Variants in FOXN3 observed in about 807,000 individuals in gnomAD.
FOXN3 encodes forkhead box protein N3.
In FOXN3, 7 loss-of-function variants were observed where a neutral mutation model predicts 38.4. That is an observed-to-expected ratio of 0.18 (90% CI 0.10 to 0.34). The LOEUF (loss-of-function observed/expected upper bound fraction) is 0.34. Ranked by LOEUF, FOXN3 falls within the 10% of genes least tolerant of loss-of-function variation. FOXN3 has a pLI of 1.00. For synonymous variants in FOXN3, 230 were observed against 242.2 expected (o/e 0.95, Z 0.47); for missense variants, 456 against 613.4 (o/e 0.74, Z 2.71).
At chr14:89,487,548 A>G (rs1893474799) in intron 1 of FOXN3, among the ~76,000 whole-genome samples, 1 of 152,234 alleles carries the variant, frequency 6.6e-6, no homozygotes, top group South Asian at 2.1e-4. Flanking sequence ...TAATTCTGAT[A>G]TACCTTAGAT....
intron 1 of FOXN3, among the ~76,000 whole-genome samples, chr14:89,613,056 G>C (rs1896423558): frequency 7.1e-6 from 1 of 139,930 alleles, no homozygotes; most frequent in South Asian, 2.3e-4. Context: ...GGCGGAGGTT[G>C]CAGTCAGCCG....
intron 1 of FOXN3, among the ~76,000 whole-genome samples, chr14:89,570,028 TCTCA>T (rs1895459055): frequency 6.9e-6 from 1 of 144,928 alleles, no homozygotes; most frequent in African/African-American, 2.6e-5. Context: ...TGAGACGGAG[TCTCA>T]CTCTGTCGCT....
intron 3 of FOXN3, among the ~76,000 whole-genome samples, chr14:89,333,974 A>G (rs1470061598): frequency 0.045 from 76 of 1,678 alleles, 1 homozygote; most frequent in Admixed American, 0.087. Context: ...GTGTATATAT[A>G]TATATATATA....
intron 1 of FOXN3, among the ~76,000 whole-genome samples, chr14:89,483,867 C>T (rs999910467): frequency 6.6e-6 from 1 of 152,190 alleles, no homozygotes; most frequent in South Asian, 2.1e-4. Flanking sequence ...ATAGCTTACT[C>T]ATGGTAAGCC....
intron 1 of FOXN3, among the ~76,000 whole-genome samples, chr14:89,440,262 T>G (rs1045387366): frequency 6.6e-6 from 1 of 152,178 alleles, no homozygotes; most frequent in Non-Finnish European, 1.5e-5. Flanking sequence ...GGTGCTTTCC[T>G]GGCCTCTGGC....
In FOXN3 at chr14:89,412,153, C is replaced by T. The variant is rs1425404129; in HGVS notation, c.324G>A (p.Arg108=). The change falls in exon 2 of 6, where the codon AGG becomes AGA. Residue 108 remains arginine, a synonymous_variant. Coordinates refer to ENST00000557258, the MANE Select transcript of FOXN3 (RefSeq NM_005197.4). This position sits in a 1 kb window ranked among gnomAD's most constrained non-coding sequence, Gnocchi z 4.7. ...PAHSDMPYDA[R]QNPNCKPPYS... is the part of the protein sequence containing the mutation. ...AGGGGGGTTTGCAGTTGGGGTTCTG[C>T]CTGGCATCGTAGGGCATGTCAGAGT... 6.2e-7 allele frequency: 1 copy of T among 1,610,876 alleles called. No homozygotes were observed. Among genetic ancestry groups the T allele is most frequent in the Admixed American group, 1.7e-5 (1 of 59,830 alleles).
chr14:89,570,103 C>A (rs1360630842), intron 1 of FOXN3, among the ~76,000 whole-genome samples: 1 of 151,682 alleles, frequency 6.6e-6, no homozygotes, highest in African/African-American at 2.4e-5. Context: ...CAGGTTCAAG[C>A]GATTCTCCTG....
chr14:89,316,565 T>C (rs1887724440), intron 3 of FOXN3, among the ~76,000 whole-genome samples: 1 of 151,400 alleles, frequency 6.6e-6, no homozygotes, highest in Non-Finnish European at 1.5e-5. Context: ...CTCATTATGT[T>C]GCCCAGACTG....
At chr14:89,396,832 C>CA (rs11307508) in intron 2 of FOXN3, among the ~76,000 whole-genome samples, 3,446 of 96,634 alleles carry the variant, frequency 0.036, 124 homozygotes, top group African/African-American at 0.1. Context: ...AACTCCATCT[C>CA]AAAAAAAAAA....
chr14:89,291,949 C>A (rs950874893), intron 3 of FOXN3, among the ~76,000 whole-genome samples: 2 of 152,156 alleles, frequency 1.3e-5, no homozygotes, highest in Non-Finnish European at 2.9e-5. Context: ...CCAGTTATTG[C>A]TGTGTGTCCA....
chr14:89,586,450 G>A (rs1255722059), intron 1 of FOXN3, among the ~76,000 whole-genome samples: 6 of 152,082 alleles, frequency 3.9e-5, no homozygotes, highest in African/African-American at 7.2e-5. Context: ...AAGCTGATGC[G>A]GTCTCCTGTG....
intron 1 of FOXN3, among the ~76,000 whole-genome samples, chr14:89,450,555 C>G (rs564040749): frequency 8.5e-6 from 1 of 117,710 alleles, no homozygotes; most frequent in Non-Finnish European, 1.8e-5. Context: ...TTCCTTCCAG[C>G]TCAGAAAAAA....
Position 89,272,081 on chromosome 14 carries a change from G to A in FOXN3, c.745+8869C>T, listed in dbSNP as rs931163123. 3.2e-4 allele frequency among the ~76,000 whole-genome samples: 48 copies of A among 152,122 alleles called. 1 individual carries two copies. Among genetic ancestry groups the A allele is most frequent in the Admixed American group, 1.9e-3 (29 of 15,274 alleles). On this transcript the variant is annotated intron_variant, in intron 4 of 5. Coordinates refer to ENST00000557258, the MANE Select transcript of FOXN3 (RefSeq NM_005197.4). ...TCCCAACACTTTGGGAGGCCGAGGC[G>A]GGTGGATCACCTGAGGTCAGGAGTT...
intron 3 of FOXN3, among the ~76,000 whole-genome samples, chr14:89,320,037 T>A (rs1887852711): frequency 6.6e-6 from 1 of 152,208 alleles, no homozygotes. Context: ...CAATTAAAAC[T>A]TTAATTAACT....
At chr14:89,381,518 A>G (rs1030662024) in intron 2 of FOXN3, among the ~76,000 whole-genome samples, 8 of 138,740 alleles carry the variant, frequency 5.8e-5, no homozygotes, top group Non-Finnish European at 1.3e-4. Flanking sequence ...CAGCCCAAAA[A>G]AAGCCTCAAA....
chr14:89,494,451 C>T (rs1394063593), intron 1 of FOXN3, among the ~76,000 whole-genome samples: 5 of 152,220 alleles, frequency 3.3e-5, no homozygotes, highest in African/African-American at 1.2e-4. Context: ...CCTAGCCTGC[C>T]GGCTGGGCTG....
chr14:89,243,309 G>T (rs1018792604), intron 4 of FOXN3, among the ~76,000 whole-genome samples: 1 of 152,172 alleles, frequency 6.6e-6, no homozygotes, highest in African/African-American at 2.4e-5. Context: ...ATTTACAACA[G>T]CCCACAATCT....
intron 1 of FOXN3, among the ~76,000 whole-genome samples, chr14:89,597,156 GTCATATTT>G: frequency 6.6e-6 from 1 of 152,154 alleles, no homozygotes; most frequent in East Asian, 1.9e-4. Context: ...AATTTTTGCT[GTCATATTT>G]TCATTGTCAT....
At chr14:89,268,551 A>ATGGATTCATC (rs1189837257) in intron 4 of FOXN3, among the ~76,000 whole-genome samples, 1 of 152,204 alleles carries the variant, frequency 6.6e-6, no homozygotes, top group Non-Finnish European at 1.5e-5. Flanking sequence ...AGCCCATCAA[A>ATGGATTCATC]TCCAGCCACA....
Sources: allele counts gnomAD v4.1 joint callset (sites outside exome capture counted in the v4.1 genomes callset), GRCh38; gene constraint gnomAD v4.1.1; non-coding constraint Gnocchi (gnomAD v3.1); transcripts MANE v1.5; gene names NCBI Gene and HGNC (gene_info 2026-07-23, HGNC 2026-07-21).